Variants in KAZN observed in about 807,000 individuals in gnomAD.
The protein encoded by KAZN is kazrin, periplakin interacting protein, also known as kazrin.
A neutral mutation model predicts 87.4 loss-of-function variants in KAZN; 40 were observed. The ratio of observed to expected loss-of-function variants is 0.46; its 90% CI spans 0.36 to 0.60. The LOEUF is 0.60. Among genes scored for constraint, KAZN ranks in the 20% least tolerant of loss-of-function variants. The pLI is 0.00. For synonymous variants in KAZN, 466 were observed against 458.3 expected, an observed-to-expected ratio of 1.02 and a Z score of -0.22; for missense variants, 898 against 1,073.9, an observed-to-expected ratio of 0.84 and a Z score of 2.29.
intron 1 of KAZN, among the ~76,000 whole-genome samples, chr1:14,806,703 C>T (rs1646234351): frequency 6.6e-6 from 1 of 152,168 alleles, no homozygotes; most frequent in African/African-American, 2.4e-5. Flanking sequence ...CCAACCTAAC[C>T]ACTACCATCC....
chr1:14,943,403 G>A (rs1223625902), intron 1 of KAZN, among the ~76,000 whole-genome samples: 1 of 152,156 alleles, frequency 6.6e-6, no homozygotes, highest in Non-Finnish European at 1.5e-5. Flanking sequence ...TCTCAGCAAA[G>A]AATGTTCTAC....
At chr1:14,579,701 T>C (rs1043358992) in intron 2 of KAZN, among the ~76,000 whole-genome samples, 3 of 152,090 alleles carry the variant, frequency 2.0e-5, no homozygotes, top group Non-Finnish European at 4.4e-5. Context: ...AAAAAATTTT[T>C]TTAGCATGCC....
intron 1 of KAZN, among the ~76,000 whole-genome samples, chr1:14,740,510 C>T (rs552081302): frequency 5.3e-5 from 8 of 152,204 alleles, no homozygotes; most frequent in South Asian, 4.2e-4. Flanking sequence ...CTAAAAGTCT[C>T]GCCCACCCCA....
intron 1 of KAZN, among the ~76,000 whole-genome samples, chr1:14,160,789 T>C (rs10928043): frequency 0.23 from 35,402 of 152,120 alleles, 4,365 homozygotes; most frequent in South Asian, 0.34. Flanking sequence ...GATGTATGCC[T>C]ATATTATCCT....
intron 2 of KAZN, among the ~76,000 whole-genome samples, chr1:15,011,238 C>T (rs1196411730): frequency 6.6e-6 from 1 of 152,178 alleles, no homozygotes; most frequent in Non-Finnish European, 1.5e-5. Context: ...AGGGTAAGAG[C>T]CCAGGTGCTG....
chr1:14,121,357 G>A (rs1321805211), intron 1 of KAZN, among the ~76,000 whole-genome samples: 1 of 152,148 alleles, frequency 6.6e-6, no homozygotes, highest in African/African-American at 2.4e-5. Context: ...GAAGTGCAAG[G>A]AGCAATAATT....
intron 2 of KAZN, among the ~76,000 whole-genome samples, chr1:14,420,456 G>A (rs1395994366): frequency 6.6e-6 from 1 of 152,200 alleles, no homozygotes; most frequent in Non-Finnish European, 1.5e-5. Context: ...AGCCACGGGG[G>A]GAGCTGCCCG....
chr1:15,059,189 C>T (rs563065753), intron 5 of KAZN, among the ~76,000 whole-genome samples: 2 of 151,764 alleles, frequency 1.3e-5, no homozygotes, highest in African/African-American at 2.4e-5. Context: ...CTCCCTCTTC[C>T]GCCTCCCGAA....
intron 2 of KAZN, among the ~76,000 whole-genome samples, chr1:14,228,570 G>A (rs932437468): frequency 1.3e-5 from 2 of 152,204 alleles, no homozygotes; most frequent in Non-Finnish European, 2.9e-5. Context: ...GCACAATGGA[G>A]AGGAGGAAAT....
Position 14,160,491 on chromosome 1 carries a change from C to A in KAZN, c.92-19944C>A, listed in dbSNP as rs921023675. Among the ~76,000 whole-genome samples the A allele has an allele frequency of 1.4e-4, 22 of 152,126 alleles. 1 individual carries two copies. The highest frequency in any genetic ancestry group is 5.3e-4 in the African/African-American group (22 of 41,416). ...GGGCTTGGGAGAGGAGTGATGTCAA[C>A]AATTTAAGACTGTTTTTCCTACCTC... is the stretch of plus-strand genomic sequence containing the variant. On this transcript the variant is annotated intron_variant, in intron 1 of 16. Coordinates refer to the KAZN transcript ENST00000636203.
intron 2 of KAZN, among the ~76,000 whole-genome samples, chr1:14,419,755 T>C (rs1485612921): frequency 6.6e-6 from 1 of 151,874 alleles, no homozygotes; most frequent in Non-Finnish European, 1.5e-5. Flanking sequence ...CTTAAGGCGG[T>C]GCGTCTGGTG....
At chr1:14,445,897 G>A (rs1160009589) in intron 2 of KAZN, among the ~76,000 whole-genome samples, 1 of 152,036 alleles carries the variant, frequency 6.6e-6, no homozygotes, top group Non-Finnish European at 1.5e-5. Flanking sequence ...GCATGTGTTT[G>A]AAGTATGAAG....
chr1:14,531,154 T>C (rs1672188716), intron 2 of KAZN, among the ~76,000 whole-genome samples: 1 of 152,138 alleles, frequency 6.6e-6, no homozygotes, highest in African/African-American at 2.4e-5. Flanking sequence ...GACACGCATC[T>C]CAATTGCAGA....
chr1:14,362,389 A>G (rs1467707299), intron 2 of KAZN, among the ~76,000 whole-genome samples: 1 of 152,210 alleles, frequency 6.6e-6, no homozygotes, highest in Non-Finnish European at 1.5e-5. Flanking sequence ...CAAAGCCAAT[A>G]AGAGAGAGAC....
intron 2 of KAZN, among the ~76,000 whole-genome samples, chr1:14,511,958 G>A (rs370881185): frequency 2.0e-5 from 3 of 152,112 alleles, no homozygotes; most frequent in African/African-American, 4.8e-5. Context: ...TAACTCACAC[G>A]GCTGGAGGAG....
intron 1 of KAZN, among the ~76,000 whole-genome samples, chr1:14,042,323 A>G (rs1174726594): frequency 6.6e-6 from 1 of 152,092 alleles, no homozygotes; most frequent in Non-Finnish European, 1.5e-5. Flanking sequence ...AGGAGAGGGA[A>G]GTCACTTCCT....
intron 2 of KAZN, among the ~76,000 whole-genome samples, chr1:14,191,435 ACAG>A (rs1201759984): frequency 1.3e-5 from 2 of 152,174 alleles, no homozygotes; most frequent in Non-Finnish European, 2.9e-5. Flanking sequence ...AACAGAAGGA[ACAG>A]CAGGCTTGAA....
At chr1:14,328,639 C>G (rs536965983) in intron 2 of KAZN, among the ~76,000 whole-genome samples, 1 of 149,276 alleles carries the variant, frequency 6.7e-6, no homozygotes, top group African/African-American at 2.5e-5. Flanking sequence ...AGACGTGGAG[C>G]TTGTAGTGAG....
At position 15,075,223 on chromosome 1, in the gene KAZN, G is replaced by A. The variant is rs538905877; in HGVS notation, c.1222+9470G>A. Among the ~76,000 whole-genome samples the A allele has an allele frequency of 1.6e-4, 25 of 152,262 alleles. No individual in the cohort carries two copies. The South Asian group carries it at 4.6e-3, about 28-fold the overall frequency. ...GTGTCTGAACTGGTTCTGGAACCCA[G>A]GGCTCCTGCCTTCCTGGCCAGTGCT... On this transcript the variant is annotated intron_variant, in intron 8 of 14. Transcript: ENST00000376030.
Sources: gnomAD v4.1 joint callset for allele counts (sites outside exome capture counted in the v4.1 genomes callset) on GRCh38, gnomAD v4.1.1 for gene constraint, MANE v1.5 for transcripts, NCBI Gene and HGNC (gene_info 2026-07-23, HGNC 2026-07-21) for gene names.